The following SDCCAG8 variants were observed in gnomAD, a reference collection of about 807,000 sequenced individuals.
SDCCAG8 encodes serologically defined colon cancer antigen 8.
In SDCCAG8, 74 loss-of-function variants were observed where a neutral mutation model predicts 101.8. That is an observed-to-expected ratio of 0.73 (90% CI 0.60 to 0.88). SDCCAG8 has a LOEUF of 0.88. Ranked by LOEUF, SDCCAG8 falls within the 40% of genes least tolerant of loss-of-function variation. SDCCAG8 has a pLI of 0.00. For missense variants in SDCCAG8, 787 were observed against 822.6 expected, an observed-to-expected ratio of 0.96 and a Z score of 0.53; for synonymous variants, 281 against 292.9, an observed-to-expected ratio of 0.96 and a Z score of 0.41.
intron 15 of SDCCAG8, among the ~76,000 whole-genome samples, chr1:243,419,218 CT>C (rs1019800654): frequency 1.3e-5 from 2 of 152,056 alleles, no homozygotes; most frequent in African/African-American, 4.8e-5. Flanking sequence ...GCGCACCTTC[CT>C]AGCGTATACT....
At chr1:243,324,965 A>G (rs2074042602) in intron 9 of SDCCAG8, among the ~76,000 whole-genome samples, 2 of 152,318 alleles carry the variant, frequency 1.3e-5, no homozygotes, top group South Asian at 4.1e-4. Context: ...TGTTCAATCT[A>G]TGAGGCTCAA....
At chr1:243,368,310 A>C (rs1382926131) in intron 12 of SDCCAG8, among the ~76,000 whole-genome samples, 1 of 152,070 alleles carries the variant, frequency 6.6e-6, no homozygotes, top group Non-Finnish European at 1.5e-5. Flanking sequence ...TTGGGTGGTC[A>C]TAGCATATTA....
intron 12 of SDCCAG8, among the ~76,000 whole-genome samples, chr1:243,375,546 T>G (rs1401062370): frequency 6.6e-6 from 1 of 152,176 alleles, no homozygotes; most frequent in Non-Finnish European, 1.5e-5. Flanking sequence ...CAGTTTCTAC[T>G]TTGAGTTGTT....
intron 12 of SDCCAG8, among the ~76,000 whole-genome samples, chr1:243,370,186 G>C (rs997775934): frequency 6.6e-6 from 1 of 151,898 alleles, no homozygotes; most frequent in African/African-American, 2.4e-5. Flanking sequence ...GACATAAAAA[G>C]TCAAGATCTC....
chr1:243,303,125 G>A (rs181238448), intron 6 of SDCCAG8, among the ~76,000 whole-genome samples: 2 of 152,280 alleles, frequency 1.3e-5, no homozygotes, highest in East Asian at 3.9e-4. Context: ...CCACACAAAG[G>A]ACTTAACAGA....
chr1:243,444,676 C>G (rs2082780057), intron 16 of SDCCAG8, among the ~76,000 whole-genome samples: 1 of 152,176 alleles, frequency 6.6e-6, no homozygotes, highest in Admixed American at 6.5e-5. Context: ...AGCCACTGCG[C>G]CTGGCCAGAT....
chr1:243,306,222 T>C (rs1374637153), intron 7 of SDCCAG8: 1 of 152,128 alleles, frequency 6.6e-6, no homozygotes, highest in Non-Finnish European at 1.5e-5. Flanking sequence ...ATTTTTACTT[T>C]TTTACAAAGA....
chr1:243,285,100 C>A (rs769797678), intron 4 of SDCCAG8, among the ~76,000 whole-genome samples: 5 of 152,174 alleles, frequency 3.3e-5, no homozygotes, highest in Non-Finnish European at 7.4e-5. Flanking sequence ...CCAGGCTGGT[C>A]TTGAACCCCT....
chr1:243,316,707 G>C, intron 8 of SDCCAG8, 48 bp from the exon 9 acceptor site: 1 of 1,612,262 alleles, frequency 6.2e-7, no homozygotes, highest in Non-Finnish European at 8.5e-7. Flanking sequence ...TATGAGGACA[G>C]GATCGTTTGA....
intron 13 of SDCCAG8, among the ~76,000 whole-genome samples, chr1:243,381,610 A>G (rs1259463863): frequency 6.6e-6 from 1 of 152,152 alleles, no homozygotes; most frequent in East Asian, 1.9e-4. Flanking sequence ...AATGGAAAAT[A>G]GAAATTTAGC....
intron 12 of SDCCAG8, among the ~76,000 whole-genome samples, chr1:243,372,262 C>T (rs1033566078): frequency 3.3e-5 from 5 of 152,000 alleles, no homozygotes; most frequent in African/African-American, 9.7e-5. Flanking sequence ...TTTTAACTTG[C>T]GAGGATTTTT....
intron 12 of SDCCAG8, 82 bp downstream of exon 12, chr1:243,344,413 T>C (rs2075578155): frequency 1.9e-6 from 2 of 1,059,438 alleles, no homozygotes; most frequent in Admixed American, 1.7e-5. Flanking sequence ...TTATTCCTAA[T>C]TTATTTATTT....
intron 16 of SDCCAG8, among the ~76,000 whole-genome samples, chr1:243,483,913 A>G (rs1664275541): frequency 1.3e-5 from 2 of 152,104 alleles, no homozygotes; most frequent in Admixed American, 6.5e-5. Context: ...GGAGAGCTGC[A>G]TTTTTAACAA....
rs530253883 is a variant in SDCCAG8, at chr1:243,450,799, T to C, written c.1985+24241T>C. ...TCAGCCTCCCAAGTAGCTGGGATTA[T>C]AGGTGTGCGCCACCACGCCCGGCTA... On this transcript the variant is annotated intron_variant, in intron 16 of 17. Coordinates refer to ENST00000366541, the MANE Select transcript of SDCCAG8 (RefSeq NM_006642.5). Among the ~76,000 whole-genome samples, 5 of 152,174 alleles carry C rather than the reference T, an allele frequency of 3.3e-5. No homozygotes were observed. The East Asian group carries it at 9.7e-4, about 29-fold the overall frequency.
intron 12 of SDCCAG8, among the ~76,000 whole-genome samples, chr1:243,357,931 CAAA>C (rs764551824): frequency 1.4e-4 from 22 of 152,022 alleles, no homozygotes; most frequent in Non-Finnish European, 2.6e-4. Flanking sequence ...ATAGTGTAGA[CAAA>C]AATTAACTCA....
chr1:243,384,018 G>T (rs974892732), intron 13 of SDCCAG8, among the ~76,000 whole-genome samples: 4 of 152,112 alleles, frequency 2.6e-5, no homozygotes, highest in Non-Finnish European at 5.9e-5. Context: ...ATTCTTGTCA[G>T]AAAGGAGCGC....
At chr1:243,401,540 C>T (rs1435754114) in intron 13 of SDCCAG8, among the ~76,000 whole-genome samples, 1 of 152,124 alleles carries the variant, frequency 6.6e-6, no homozygotes, top group Admixed American at 6.6e-5. Context: ...GAAACACTAT[C>T]CAATGATGAA....
At chr1:243,482,840 A>T (rs116126176) in intron 16 of SDCCAG8, among the ~76,000 whole-genome samples, 1 of 152,254 alleles carries the variant, frequency 6.6e-6, no homozygotes, top group African/African-American at 2.4e-5. Flanking sequence ...CAAAGATGAG[A>T]TAAAGGCGCG....
chr1:243,320,062 C>T (rs539269120), intron 9 of SDCCAG8, among the ~76,000 whole-genome samples: 12 of 152,294 alleles, frequency 7.9e-5, no homozygotes, highest in African/African-American at 2.6e-4. Flanking sequence ...CACACATTCA[C>T]TCTCCCAAAT....
Sources: allele counts gnomAD v4.1 joint callset (sites outside exome capture counted in the v4.1 genomes callset), GRCh38; gene constraint gnomAD v4.1.1; transcripts MANE v1.5; gene names NCBI Gene and HGNC (gene_info 2026-07-23, HGNC 2026-07-21).